The following ZDHHC13 variants were observed in gnomAD, a reference collection of about 807,000 sequenced individuals.
The protein encoded by ZDHHC13 is palmitoyltransferase ZDHHC13.
In ZDHHC13, 85 loss-of-function variants were observed where a neutral mutation model predicts 86.0. That is an observed-to-expected ratio of 0.99 (90% CI 0.83 to 1.18). The LOEUF (loss-of-function observed/expected upper bound fraction) is 1.18, where lower values mean the gene tolerates loss of function less well. Among genes scored for constraint, ZDHHC13 ranks in the 50% most tolerant of loss-of-function variants. The pLI, the probability that ZDHHC13 is intolerant of heterozygous loss-of-function variation, is 0.00. For missense variants in ZDHHC13, 711 were observed against 730.2 expected (o/e 0.97, Z 0.30); for synonymous variants, 263 against 246.4 (o/e 1.07, Z -0.63).
rs1378478238 is a variant in ZDHHC13 at position 19,175,845 on chromosome 11, C to A, written c.1754C>A (p.Ala585Glu). 6.2e-7 allele frequency: 1 copy of A among 1,613,008 alleles called. No homozygotes were observed. ...PYNLGFMQNLADFFQCGCFGL... is the reference protein window; with the variant it reads ...PYNLGFMQNLEDFFQCGCFGL... ...AGTCTTGGATTCATGCAGAACCTGG[C>A]AGATTTCTTTCAGTGTGGCTGCTTT... Residue 585 changes from alanine to glutamate, a missense_variant, in exon 17 of 17, where the codon GCA (alanine) becomes GAA (glutamate). Ala to Glu is a moderately radical substitution (Grantham distance 107). Coordinates refer to ENST00000446113, the MANE Select transcript of ZDHHC13 (RefSeq NM_019028.3).
chr11:19,122,635 C>A (rs1426336141), intron 1 of ZDHHC13, among the ~76,000 whole-genome samples: 3 of 152,120 alleles, frequency 2.0e-5, no homozygotes, highest in African/African-American at 4.8e-5. Context: ...GAGTGACCTG[C>A]TTGGCATATC....
At chr11:19,143,770 A>C (rs756181720) in intron 2 of ZDHHC13, among the ~76,000 whole-genome samples, 1 of 152,220 alleles carries the variant, frequency 6.6e-6, no homozygotes, top group Non-Finnish European at 1.5e-5. Flanking sequence ...AATTATTTCC[A>C]ACATTTTCAC....
At chr11:19,164,466 T>C (rs1454334576) in intron 12 of ZDHHC13, 103 bp downstream of exon 12, 2 of 1,102,430 alleles carry the variant, frequency 1.8e-6, no homozygotes, top group East Asian at 2.6e-5. Context: ...TATACACCTT[T>C]GTTTTTACCC....
intron 1 of ZDHHC13, among the ~76,000 whole-genome samples, chr11:19,125,679 G>C (rs756011468): frequency 1.3e-5 from 2 of 152,148 alleles, no homozygotes; most frequent in Non-Finnish European, 2.9e-5. Flanking sequence ...GCCAAAAGCT[G>C]GAAAACAACC....
intron 5 of ZDHHC13, 128 bp downstream of exon 5, chr11:19,149,459 C>A: frequency 2.0e-6 from 2 of 1,011,836 alleles, no homozygotes; most frequent in Non-Finnish European, 1.3e-6. Context: ...AGATATTAGC[C>A]TCAGTACGTT....
intron 16 of ZDHHC13, among the ~76,000 whole-genome samples, chr11:19,175,467 G>A (rs1850339461): frequency 6.7e-6 from 1 of 149,322 alleles, no homozygotes; most frequent in African/African-American, 2.5e-5. Flanking sequence ...TGGCCTATGT[G>A]GCCTTTGAGG....
chr11:19,169,205 C>G, intron 14 of ZDHHC13: 10 of 985,406 alleles, frequency 1.0e-5, no homozygotes, highest in Non-Finnish European at 1.2e-5. Context: ...CTTTCCCAAT[C>G]AACAGCTGTT....
rs1357710788 is a variant in ZDHHC13 at position 19,149,348 on chromosome 11, G to A, written c.519+17G>A. On this transcript the variant is annotated intron_variant, in intron 5 of 16. Coordinates refer to ENST00000446113, the MANE Select transcript of ZDHHC13 (RefSeq NM_019028.3). ...AAGGGACAGGTATGTTCTGAAATGTGTCTTATACTCCAGTTTTTATCATCT... is the reference window on the plus strand; with the variant it reads ...AAGGGACAGGTATGTTCTGAAATGTATCTTATACTCCAGTTTTTATCATCT... 1 of 1,543,040 alleles carries A rather than the reference G, an allele frequency of 6.5e-7. No individual in the cohort carries two copies. Among genetic ancestry groups the A allele is most frequent in the Non-Finnish European group, 8.8e-7 (1 of 1,136,032 alleles).
intron 1 of ZDHHC13, among the ~76,000 whole-genome samples, chr11:19,135,345 G>A (rs1849107622): frequency 6.6e-6 from 1 of 152,210 alleles, no homozygotes; most frequent in Non-Finnish European, 1.5e-5. Flanking sequence ...ACTCCCACCC[G>A]AATACTGCGC....
intron 13 of ZDHHC13, among the ~76,000 whole-genome samples, 179 bp downstream of exon 13, chr11:19,165,324 T>C (rs2133466338): frequency 6.6e-6 from 1 of 152,340 alleles, no homozygotes; most frequent in Admixed American, 6.5e-5. Context: ...CATGCATCAT[T>C]CTGTTTGGTA....
chr11:19,124,841 C>T (rs1040992065), intron 1 of ZDHHC13, among the ~76,000 whole-genome samples: 8 of 151,970 alleles, frequency 5.3e-5, no homozygotes, highest in Non-Finnish European at 7.4e-5. Flanking sequence ...AGAAAAAGAC[C>T]GGAATTCAAA....
At position 19,150,711 on chromosome 11, in the gene ZDHHC13, T is replaced by C. The variant is rs779689513; in HGVS notation, c.520-16T>C. The C allele has an allele frequency of 1.3e-5, 20 of 1,598,402 alleles. No homozygotes were observed. The highest frequency in any genetic ancestry group is 1.7e-5 in the Non-Finnish European group (20 of 1,168,806). On this transcript the variant is annotated splice_polypyrimidine_tract_variant and intron_variant, in intron 5 of 16. Transcript: ENST00000446113. ...AGTGTATTTACAGTTATGCTAATTGTCTTCTTTTTGAATAGAGTGTGAATA... is the reference window on the plus strand; with the variant it reads ...AGTGTATTTACAGTTATGCTAATTGCCTTCTTTTTGAATAGAGTGTGAATA...
At chr11:19,162,929 G>A (rs1339563727) in intron 10 of ZDHHC13, among the ~76,000 whole-genome samples, 1 of 151,966 alleles carries the variant, frequency 6.6e-6, no homozygotes, top group Non-Finnish European at 1.5e-5. Flanking sequence ...GAATCAAGAG[G>A]GTTGTTTCTT....
Position 19,130,196 on chromosome 11 carries a change from A to G in ZDHHC13, c.28-12782A>G, listed in dbSNP as rs149880646. 6.9e-3 allele frequency among the ~76,000 whole-genome samples: 1,044 copies of G among 152,304 alleles called. 9 individuals carry two copies. Among genetic ancestry groups the G allele is most frequent in the African/African-American group, 0.024 (985 of 41,570 alleles). ...TAACTAATTAAGTTATAGGGGTCTG[A>G]AATTTTTTATGAGAAAGATTTTCAT... On this transcript the variant is annotated intron_variant, in intron 1 of 16. Transcript: ENST00000446113.
chr11:19,158,484 C>T (rs1195177937), intron 9 of ZDHHC13, among the ~76,000 whole-genome samples: 1 of 151,918 alleles, frequency 6.6e-6, no homozygotes, highest in Non-Finnish European at 1.5e-5. Context: ...AGGTTGTGTG[C>T]ATCAGTATGC....
chr11:19,166,454 T>C, intron 14 of ZDHHC13, 69 bp downstream of exon 14: 2 of 1,265,218 alleles, frequency 1.6e-6, no homozygotes, highest in Non-Finnish European at 1.1e-6. Flanking sequence ...TTGTAAACCC[T>C]TGTATATCAC....
intron 1 of ZDHHC13, among the ~76,000 whole-genome samples, chr11:19,125,968 A>G (rs1331478978): frequency 6.6e-6 from 1 of 152,178 alleles, no homozygotes; most frequent in African/African-American, 2.4e-5. Flanking sequence ...GGTGGCGGTT[A>G]CGTGACTCCA....
At chr11:19,170,124 T>C (rs918157617) in intron 14 of ZDHHC13, 1 of 1,226,310 alleles carries the variant, frequency 8.2e-7, no homozygotes, top group Non-Finnish European at 1.0e-6. Context: ...TAGTATATCT[T>C]ATGCTGAATG....
chr11:19,123,486 A>G (rs550018839), intron 1 of ZDHHC13, among the ~76,000 whole-genome samples: 9 of 152,128 alleles, frequency 5.9e-5, no homozygotes, highest in African/African-American at 2.2e-4. Context: ...CTATCTACAG[A>G]AGAATAAAAA....
Sources: allele counts gnomAD v4.1 joint callset (sites outside exome capture counted in the v4.1 genomes callset), GRCh38; gene constraint gnomAD v4.1.1; transcripts MANE v1.5; gene names NCBI Gene and HGNC (gene_info 2026-07-23, HGNC 2026-07-21).